TFG: variants seen among roughly 807,000 people sequenced by gnomAD.
The protein encoded by TFG is trafficking from ER to golgi regulator.
A neutral mutation model predicts 51.4 loss-of-function variants in TFG; 22 were observed. The observed-to-expected ratio is 0.43, with a 90% confidence interval of 0.31 to 0.61. TFG has a LOEUF of 0.61. Ranked by LOEUF, TFG falls within the 20% of genes least tolerant of loss-of-function variation. The pLI is 0.12. For synonymous variants in TFG, 187 were observed against 165.6 expected (o/e 1.13, Z -0.99); for missense variants, 419 against 487.7 (o/e 0.86, Z 1.33).
Position 100,748,874 on chromosome 3 carries a change from A to G in TFG, c.*343A>G, listed in dbSNP as rs913167745. On this transcript the variant is annotated 3_prime_UTR_variant, in exon 8 of 8. Transcript: ENST00000240851. ...TCTTACTTGGCTTTTTACTATTAAC[A>G]TGATGTACTAAAGTAGAGCCCTTTG... 2 of 262,600 alleles carry G rather than the reference A, an allele frequency of 7.6e-6. No individual in the cohort carries two copies. Among genetic ancestry groups the G allele is most frequent in the Non-Finnish European group, 1.5e-5 (2 of 136,154 alleles). 16.3% of individuals were successfully genotyped at this position (262,600 alleles called of 1,614,324 possible). A position where few individuals can be genotyped will look rare whatever the true frequency, so the allele number is the denominator to read the frequency against.
intron 5 of TFG, among the ~76,000 whole-genome samples, chr3:100,733,905 G>T (rs2095098659): frequency 6.6e-6 from 1 of 152,168 alleles, no homozygotes; most frequent in Admixed American, 6.6e-5. Flanking sequence ...TGAGGTAAAG[G>T]CAGACAAAGG....
In TFG at chr3:100,736,631, C is replaced by G; in HGVS notation, c.636C>G (p.Ser212=). 2.5e-6 allele frequency: 4 copies of G among 1,613,978 alleles called. No homozygotes were observed. The Admixed American group carries it at 5.0e-5, about 20-fold the overall frequency. Residue 212 remains serine, a synonymous_variant, in exon 6 of 8, where the codon TCC becomes TCG. Coordinates refer to ENST00000240851, the MANE Select transcript of TFG (RefSeq NM_006070.6). ...DRSGTPDSIA[S]SSSAAHPPGV... ...CAGGAACACCCGACAGCATTGCTTCCTCCTCCTCAGCAGCTCACCCACCAG... is the reference window on the plus strand; with the variant it reads ...CAGGAACACCCGACAGCATTGCTTCGTCCTCCTCAGCAGCTCACCCACCAG...
intron 6 of TFG, among the ~76,000 whole-genome samples, chr3:100,740,157 A>ATGTATTATTTATTATTAC (rs1187984264): frequency 2.0e-5 from 3 of 152,136 alleles, no homozygotes; most frequent in Non-Finnish European, 2.9e-5. Context: ...AATCAAAACT[A>ATGTATTATTTATTATTAC]TGTGTATTAT....
rs573454673 is a variant in TFG, at chr3:100,743,700, G to C, written c.722-1133G>C. The C allele has an allele frequency of 3.3e-5, 5 of 152,148 alleles. No individual in the cohort carries two copies. In the South Asian group the frequency reaches 1.0e-3, roughly 32 times the overall value. The allele number at this position is 152,148 out of a possible 1,614,324, so 9.4% of individuals were successfully genotyped here. A position where few individuals can be genotyped will look rare whatever the true frequency, so the allele number is the denominator to read the frequency against. On this transcript the variant is annotated intron_variant, in intron 6 of 7. Coordinates refer to ENST00000240851, the MANE Select transcript of TFG (RefSeq NM_006070.6). ...GCACTAAAAACTTAGACACGTATAG[G>C]GCTGAGCAGCTGGTATAATAGAGTG...
intron 4 of TFG, among the ~76,000 whole-genome samples, chr3:100,729,712 A>G (rs968563245): frequency 4.6e-5 from 7 of 152,172 alleles, no homozygotes; most frequent in African/African-American, 1.7e-4. Flanking sequence ...AGGGCTTAAC[A>G]TGAGATAATT....
intron 2 of TFG, among the ~76,000 whole-genome samples, chr3:100,716,913 T>C (rs1053316235): frequency 2.0e-5 from 3 of 152,194 alleles, no homozygotes; most frequent in Non-Finnish European, 4.4e-5. Context: ...GCTGTTGAGA[T>C]GTTTGAGTTC....
At chr3:100,735,118 A>AT (rs2095102961) in intron 5 of TFG, among the ~76,000 whole-genome samples, 2 of 152,204 alleles carry the variant, frequency 1.3e-5, no homozygotes, top group Non-Finnish European at 2.9e-5. Context: ...GAATGTGTGT[A>AT]TTTATCTACA....
At chr3:100,736,863 C>G in intron 6 of TFG, 147 bp downstream of exon 6, 1 of 789,756 alleles carries the variant, frequency 1.3e-6, no homozygotes, top group Non-Finnish European at 2.0e-6. Flanking sequence ...GTTAAAAAAC[C>G]AAATAGAACA....
chr3:100,720,010 C>A lies in TFG; in HGVS notation c.220C>A (p.Leu74Ile). ...DLITIFDSSD[L>I]SFAIQCSRIL... is the part of the protein sequence containing the mutation. ...TATAACAATTTTTGATAGTTCTGACCTTTCCTTTGCAATTCAGTGCAGTAG... is the reference window on the plus strand; with the variant it reads ...TATAACAATTTTTGATAGTTCTGACATTTCCTTTGCAATTCAGTGCAGTAG... Residue 74 changes from leucine (L) to isoleucine (I), a missense_variant, in exon 3 of 8, where the codon CTT becomes ATT. Transcript: ENST00000240851. The A allele has an allele frequency of 6.4e-7, 1 of 1,574,026 alleles. No homozygotes were observed. The highest frequency in any genetic ancestry group is 8.6e-7 in the Non-Finnish European group (1 of 1,163,362).
rs144368144 is a variant in TFG, at chr3:100,736,659, G to A, written c.664G>A (p.Val222Ile). 1.6e-5 allele frequency: 26 copies of A among 1,613,950 alleles called. No homozygotes were observed. Among genetic ancestry groups the A allele is most frequent in the African/African-American group, 1.3e-4 (10 of 74,990 alleles). The change falls in exon 6 of 8, where the codon GTT becomes ATT. Residue 222 changes from valine (V) to isoleucine (I), a missense_variant. Val to Ile is a conservative substitution (Grantham distance 29, BLOSUM62 3). Transcript: ENST00000240851. ...CTCCTCAGCAGCTCACCCACCAGGCGTTCAGCCACAGCAGCCACCATATAC... is the reference window on the plus strand; with the variant it reads ...CTCCTCAGCAGCTCACCCACCAGGCATTCAGCCACAGCAGCCACCATATAC... ...SSSSAAHPPG[V>I]QPQQPPYTGA...
intron 2 of TFG, among the ~76,000 whole-genome samples, chr3:100,715,490 A>C (rs533331565): frequency 2.0e-5 from 3 of 152,218 alleles, no homozygotes; most frequent in African/African-American, 2.4e-5. Context: ...CACAACTTAT[A>C]CTGTGGAGGA....
At chr3:100,710,302 A>G (rs950565454) in intron 1 of TFG, 8 of 152,228 alleles carry the variant, frequency 5.3e-5, no homozygotes, top group African/African-American at 1.7e-4. Context: ...TACAGTAAGT[A>G]TTTTGGATGC....
At chr3:100,743,906 ATTTT>A (rs2095128251) in intron 6 of TFG, 1 of 152,072 alleles carries the variant, frequency 6.6e-6, no homozygotes, top group Non-Finnish European at 1.5e-5. Flanking sequence ...ACATGTGATT[ATTTT>A]AAAGATTTAA....
intron 1 of TFG, among the ~76,000 whole-genome samples, chr3:100,711,465 C>T (rs890326743): frequency 1.3e-5 from 2 of 152,154 alleles, no homozygotes; most frequent in African/African-American, 4.8e-5. Context: ...GACATACCAT[C>T]AATTATCTTC....
intron 6 of TFG, among the ~76,000 whole-genome samples, chr3:100,737,053 CT>C (rs746447288): frequency 3.3e-5 from 5 of 152,176 alleles, no homozygotes; most frequent in Non-Finnish European, 7.4e-5. Context: ...GCTATTTTAT[CT>C]CCCTCCTTTC....
Position 100,720,020 on chromosome 3 carries a change from C to CTGA in TFG, c.230_231insTGA (p.Ala77_Ile78insGlu). On this transcript the variant is annotated inframe_insertion, in exon 3 of 8. Coordinates refer to ENST00000240851, the MANE Select transcript of TFG (RefSeq NM_006070.6). ...TTTGATAGTTCTGACCTTTCCTTTGCAATTCAGTGCAGTAGGATACTGAAA... is the reference window on the plus strand; with the variant it reads ...TTTGATAGTTCTGACCTTTCCTTTGCTGAAATTCAGTGCAGTAGGATACTGAAA... 6.3e-7 allele frequency: 1 copy of CTGA among 1,578,158 alleles called. No homozygotes were observed. The highest frequency in any genetic ancestry group is 8.6e-7 in the Non-Finnish European group (1 of 1,164,602).
intron 6 of TFG, 55 bp downstream of exon 6, chr3:100,736,771 T>G: frequency 6.4e-7 from 1 of 1,569,058 alleles, no homozygotes; most frequent in Non-Finnish European, 8.7e-7. Context: ...GAAGTGTTTA[T>G]TACAGCATTG....
intron 7 of TFG, 74 bp downstream of exon 7, chr3:100,745,005 C>A: frequency 4.7e-6 from 4 of 844,170 alleles, no homozygotes; most frequent in South Asian, 2.2e-5. Context: ...GTTCTTAATT[C>A]CTTGATTTGT....
intron 2 of TFG, among the ~76,000 whole-genome samples, chr3:100,714,882 C>T (rs555518087): frequency 2.0e-5 from 3 of 152,250 alleles, no homozygotes; most frequent in Non-Finnish European, 2.9e-5. Flanking sequence ...AAAAATGTTT[C>T]GGCAAACACA....
Sources: gnomAD v4.1 joint callset for allele counts (sites outside exome capture counted in the v4.1 genomes callset) on GRCh38, gnomAD v4.1.1 for gene constraint, MANE v1.5 for transcripts, NCBI Gene and HGNC (gene_info 2026-07-23, HGNC 2026-07-21) for gene names.